The following METAP1 variants were observed in gnomAD, a reference collection of about 807,000 sequenced individuals.
METAP1 encodes the protein methionine aminopeptidase 1.
A neutral mutation model predicts 53.8 loss-of-function variants in METAP1; 28 were observed. The observed-to-expected ratio is 0.52, with a 90% confidence interval of 0.39 to 0.71. METAP1 has a LOEUF of 0.71. Ranked by LOEUF, METAP1 falls within the 30% of genes least tolerant of loss-of-function variation. The pLI is 0.00. For missense variants in METAP1, 389 were observed against 479.8 expected, an observed-to-expected ratio of 0.81 and a Z score of 1.77; for synonymous variants, 181 against 165.7, an observed-to-expected ratio of 1.09 and a Z score of -0.71.
At position 99,052,133 on chromosome 4, in the gene METAP1, A is replaced by G. The variant is rs530781077; in HGVS notation, c.931+3257A>G. On this transcript the variant is annotated intron_variant, in intron 9 of 10. Transcript: ENST00000296411. ...AAAAGTTATGTTTATACAGTAGTCT[A>G]TTGTGTGTGTAGTCTAACAATGCAC... Among the ~76,000 whole-genome samples the G allele has an allele frequency of 5.3e-5, 8 of 152,328 alleles. No homozygotes were observed. The South Asian group carries it at 1.4e-3, about 28-fold the overall frequency.
intron 1 of METAP1, among the ~76,000 whole-genome samples, chr4:99,024,580 G>T (rs1254964823): frequency 6.6e-6 from 1 of 152,228 alleles, no homozygotes; most frequent in Non-Finnish European, 1.5e-5. Context: ...ACTGATCTGG[G>T]TGATGGCAGC....
chr4:98,995,889 G>C (rs1356128489), intron 1 of METAP1, 22 bp downstream of exon 1: 2 of 1,518,406 alleles, frequency 1.3e-6, no homozygotes, highest in South Asian at 2.4e-5. Context: ...CTGCCCCGCG[G>C]ATATGCCGCC....
chr4:99,046,240 C>G (rs566434379), intron 8 of METAP1, among the ~76,000 whole-genome samples: 1 of 151,776 alleles, frequency 6.6e-6, no homozygotes, highest in Non-Finnish European at 1.5e-5. Flanking sequence ...ATGGTGAAAC[C>G]CTGTCTCTAA....
intron 9 of METAP1, among the ~76,000 whole-genome samples, chr4:99,051,726 AAAAC>A (rs1726721594): frequency 6.6e-6 from 1 of 152,230 alleles, no homozygotes; most frequent in South Asian, 2.1e-4. Context: ...ACATTTATGT[AAAAC>A]AAAATATGCA....
At chr4:99,008,940 C>T (rs1403915627) in intron 1 of METAP1, among the ~76,000 whole-genome samples, 3 of 151,966 alleles carry the variant, frequency 2.0e-5, no homozygotes, top group African/African-American at 7.2e-5. Context: ...GTGTATAGTT[C>T]AGTAGTGTTA....
At chr4:99,014,108 C>T (rs1723623793) in intron 1 of METAP1, among the ~76,000 whole-genome samples, 1 of 152,124 alleles carries the variant, frequency 6.6e-6, no homozygotes, top group Non-Finnish European at 1.5e-5. Context: ...GACACAACAT[C>T]CAATAAGTAG....
rs1394986259 is a variant in METAP1 at position 99,061,152 on chromosome 4, A to G, written c.998-2A>G. The G allele has an allele frequency of 1.9e-6, 3 of 1,609,742 alleles. No individual in the cohort carries two copies. Among genetic ancestry groups the G allele is most frequent in the Non-Finnish European group, 2.5e-6 (3 of 1,178,280 alleles). ...CTAAGAAATTGTTTTTGTTTGTTGA[A>G]GGCGGATGGCAGGATGAAACCTGGC... is the stretch of plus-strand genomic sequence containing the variant. On this transcript the variant is annotated splice_acceptor_variant, in intron 10 of 10. Coordinates refer to ENST00000296411, the MANE Select transcript of METAP1 (RefSeq NM_015143.3). LOFTEE classifies it high-confidence loss of function.
At chr4:99,029,914 C>G (rs1724874845) in intron 2 of METAP1, among the ~76,000 whole-genome samples, 1 of 152,012 alleles carries the variant, frequency 6.6e-6, no homozygotes, top group Non-Finnish European at 1.5e-5. Context: ...ACATGCTAGG[C>G]TGTTGTGGGA....
At chr4:99,014,538 G>A (rs1267566213) in intron 1 of METAP1, among the ~76,000 whole-genome samples, 3 of 152,108 alleles carry the variant, frequency 2.0e-5, no homozygotes, top group East Asian at 1.9e-4. Flanking sequence ...ACGTTGACTC[G>A]AGTCTAGCAG....
At chr4:99,021,550 G>A (rs1042887336) in intron 1 of METAP1, among the ~76,000 whole-genome samples, 4 of 152,072 alleles carry the variant, frequency 2.6e-5, no homozygotes, top group Admixed American at 1.3e-4. Context: ...AATCAACACC[G>A]AGACAAAGGA....
intron 1 of METAP1, among the ~76,000 whole-genome samples, chr4:99,016,353 G>A (rs942493664): frequency 1.3e-5 from 2 of 152,168 alleles, no homozygotes; most frequent in African/African-American, 2.4e-5. Context: ...CATCGTAGAT[G>A]AGTCTCTAAA....
intron 1 of METAP1, among the ~76,000 whole-genome samples, chr4:99,003,774 C>T (rs773866393): frequency 2.0e-5 from 3 of 152,176 alleles, no homozygotes; most frequent in Admixed American, 6.5e-5. Flanking sequence ...TGTAACCAAA[C>T]CTATGGGGGT....
At chr4:99,026,204 C>G in intron 1 of METAP1, 4 of 984,508 alleles carry the variant, frequency 4.1e-6, no homozygotes, top group Non-Finnish European at 4.8e-6. Flanking sequence ...GGTTCATAAG[C>G]TCCTAAATTT....
chr4:99,014,088 T>C (rs539884958), intron 1 of METAP1, among the ~76,000 whole-genome samples: 2 of 152,330 alleles, frequency 1.3e-5, no homozygotes, highest in South Asian at 2.1e-4. Flanking sequence ...AGCCGTCGAA[T>C]ACAGGGTATG....
intron 3 of METAP1, among the ~76,000 whole-genome samples, chr4:99,034,963 G>A (rs886148906): frequency 2.0e-5 from 3 of 151,934 alleles, no homozygotes; most frequent in Non-Finnish European, 2.9e-5. Flanking sequence ...TCTCTTTACT[G>A]ATGATTTTCT....
chr4:99,043,294 A>T lies in METAP1; in HGVS notation c.562A>T (p.Asn188Tyr). 1 of 1,605,672 alleles carries T rather than the reference A, an allele frequency of 6.2e-7. No individual in the cohort carries two copies. Among genetic ancestry groups the T allele is most frequent in the South Asian group, 1.1e-5 (1 of 90,100 alleles). Reference protein sequence around the residue: ...NCYPSPLNYYNFPKSCCTSVN... With the variant: ...NCYPSPLNYYYFPKSCCTSVN... ...CTACCCTTCTCCCCTGAATTATTAT[A>T]ATTTCCCAAAGTCTTGTTGTACCTC... The change falls in exon 7 of 11, where the codon AAT becomes TAT. Residue 188 changes from asparagine (N) to tyrosine (Y), a missense_variant. Asn to Tyr is a moderately radical substitution (Grantham distance 143). Coordinates refer to ENST00000296411, the MANE Select transcript of METAP1 (RefSeq NM_015143.3).
chr4:98,997,111 C>G (rs1019322137), intron 1 of METAP1, among the ~76,000 whole-genome samples: 2 of 152,070 alleles, frequency 1.3e-5, no homozygotes, highest in African/African-American at 4.8e-5. Context: ...CGATTTAACT[C>G]TGCCATAAAT....
chr4:99,034,610 G>A (rs1725294811), intron 3 of METAP1, among the ~76,000 whole-genome samples: 1 of 152,160 alleles, frequency 6.6e-6, no homozygotes, highest in South Asian at 2.1e-4. Context: ...TTGCTGGCAT[G>A]ATGGTAGTGT....
intron 4 of METAP1, chr4:99,039,124 A>T: frequency 3.0e-6 from 1 of 336,660 alleles, no homozygotes; most frequent in Non-Finnish European, 5.4e-6. Flanking sequence ...GTACTCTATA[A>T]GTATTGGCTG....
Sources: allele counts gnomAD v4.1 joint callset (sites outside exome capture counted in the v4.1 genomes callset), GRCh38; gene constraint gnomAD v4.1.1; transcripts MANE v1.5; gene names NCBI Gene and HGNC (gene_info 2026-07-23, HGNC 2026-07-21).